Variants in DNAJC2 observed in about 807,000 individuals in gnomAD.
The protein encoded by DNAJC2 is dnaJ homolog subfamily C member 2.
DNAJC2 carries 32 observed loss-of-function variants against 94.0 expected under a neutral mutation model. That is an observed-to-expected ratio of 0.34 (90% CI 0.26 to 0.46). The LOEUF is 0.46. Ranked by LOEUF, DNAJC2 falls within the 20% of genes least tolerant of loss-of-function variation. DNAJC2 has a pLI of 1.00. For missense variants in DNAJC2, 550 were observed against 719.5 expected (o/e 0.76, Z 2.69); for synonymous variants, 210 against 229.7 (o/e 0.91, Z 0.77).
At position 103,312,508 on chromosome 7, in the gene DNAJC2, G is replaced by C. The variant is rs1471843339; in HGVS notation, c.*61C>G. On this transcript the variant is annotated 3_prime_UTR_variant, in exon 17 of 17. Coordinates refer to ENST00000379263, the MANE Select transcript of DNAJC2 (RefSeq NM_014377.3). ...ATTATTACCATGAGTATAATTTTAA[G>C]AATGAAAATGTTTACAGTATTTTCA... The C allele has an allele frequency of 6.3e-7, 1 of 1,580,418 alleles. No homozygotes were observed. Among genetic ancestry groups the C allele is most frequent in the African/African-American group, 1.4e-5 (1 of 73,136 alleles).
intron 12 of DNAJC2, among the ~76,000 whole-genome samples, 171 bp downstream of exon 12, chr7:103,319,438 A>G (rs548604003): frequency 1.3e-5 from 2 of 152,030 alleles, no homozygotes; most frequent in Non-Finnish European, 2.9e-5. Flanking sequence ...CTCTGTCTCA[A>G]AACAAAAAAC....
chr7:103,328,642 G>GAAT (rs2115960555), intron 3 of DNAJC2, among the ~76,000 whole-genome samples: 1 of 151,950 alleles, frequency 6.6e-6, no homozygotes, highest in African/African-American at 2.4e-5. Context: ...AAAAGAAGAA[G>GAAT]AAGAAAAAAA....
Position 103,341,839 on chromosome 7 carries a change from G to A in DNAJC2, c.180C>T (p.Ser60=), listed in dbSNP as rs371816384. 1.9e-6 allele frequency: 3 copies of A among 1,611,794 alleles called. No individual in the cohort carries two copies. Among genetic ancestry groups the A allele is most frequent in the African/African-American group, 2.7e-5 (2 of 74,752 alleles). The part of the protein sequence containing the change: ...FQELEDKKEL[S]EESEDEELQL... Reference sequence around the variant, plus strand: ...GCAATTCTTCATCTTCTGATTCCTCGGATAACTCTTTCTTATCCTCCAGTT... The same window carrying A: ...GCAATTCTTCATCTTCTGATTCCTCAGATAACTCTTTCTTATCCTCCAGTT... The change falls in exon 2 of 17, where the codon TCC becomes TCT. Residue 60 remains serine (S), a synonymous_variant. Coordinates refer to ENST00000379263, the MANE Select transcript of DNAJC2 (RefSeq NM_014377.3).
chr7:103,316,047 G>C lies in DNAJC2; in HGVS notation c.1469C>G (p.Ser490Cys). 1.9e-6 allele frequency: 3 copies of C among 1,601,250 alleles called. No homozygotes were observed. The highest frequency in any genetic ancestry group is 2.6e-6 in the Non-Finnish European group (3 of 1,174,324). ...ATCTTTGGCAGTTCTTTTGACTCCA[G>C]AGGAAGAATGTATGTTCATGTAATT... is the stretch of plus-strand genomic sequence containing the variant. Reference protein sequence around the residue: ...IANYMNIHSSSGVKRTAKDVI... With the variant: ...IANYMNIHSSCGVKRTAKDVI... The change falls in exon 14 of 17, where the codon TCT (serine) becomes TGT (cysteine). Residue 490 changes from serine (S) to cysteine (C), a missense_variant. By Grantham distance (112) the Ser-to-Cys change is moderately radical. Coordinates refer to ENST00000379263, the MANE Select transcript of DNAJC2 (RefSeq NM_014377.3).
At chr7:103,336,542 C>A (rs1028524770) in intron 3 of DNAJC2, 1 of 152,196 alleles carries the variant, frequency 6.6e-6, no homozygotes, top group African/African-American at 2.4e-5. Flanking sequence ...GACGGTGTTT[C>A]TCCACGTTGG....
Position 103,312,572 on chromosome 7 carries a change from T to C in DNAJC2, c.1863A>G (p.Lys621=), listed in dbSNP as rs1327723064. The change falls in exon 17 of 17, where the codon AAA becomes AAG. Residue 621 remains lysine (K), a synonymous_variant. Transcript: ENST00000379263. ...AATGCACACACAACAAAGATTGTCA[T>C]TTCTTGGCTCTACTTGCATTCAGCA... The part of the protein sequence containing the change: ...EQVLNASRAK[K] 6.2e-7 allele frequency: 1 copy of C among 1,611,680 alleles called. No individual in the cohort carries two copies. Among genetic ancestry groups the C allele is most frequent in the Non-Finnish European group, 8.5e-7 (1 of 1,179,350 alleles).
At chr7:103,324,747 C>T (rs543303463) in intron 5 of DNAJC2, 185 bp from the exon 6 acceptor site, 33 of 446,488 alleles carry the variant, frequency 7.4e-5, no homozygotes, top group African/African-American at 4.1e-4. Flanking sequence ...TGCAGGTGTG[C>T]GAAAAGTGAG....
chr7:103,343,922 G>A (rs1819490881), intron 1 of DNAJC2, among the ~76,000 whole-genome samples: 1 of 152,118 alleles, frequency 6.6e-6, no homozygotes, highest in African/African-American at 2.4e-5. Context: ...CTGGCTATGG[G>A]AATTACTGTA....
chr7:103,324,354 A>C, intron 6 of DNAJC2, 128 bp downstream of exon 6: 1 of 725,684 alleles, frequency 1.4e-6, no homozygotes, highest in Non-Finnish European at 2.0e-6. Context: ...CATAGGTAAC[A>C]GAGTGCTTTT....
intron 15 of DNAJC2, chr7:103,313,377 T>TA: frequency 9.0e-7 from 1 of 1,112,826 alleles, no homozygotes. Context: ...ATCAATGTAA[T>TA]ACACTCACCA....
intron 3 of DNAJC2, among the ~76,000 whole-genome samples, chr7:103,331,217 C>T (rs1818956419): frequency 1.3e-5 from 2 of 152,326 alleles, no homozygotes; most frequent in East Asian, 3.9e-4. Flanking sequence ...CTCGGCCTCC[C>T]AAAGCGCTGG....
At chr7:103,324,449 T>G (rs761776761) in intron 6 of DNAJC2, 33 bp downstream of exon 6, 2 of 1,434,368 alleles carry the variant, frequency 1.4e-6, no homozygotes, top group Non-Finnish European at 1.9e-6. Context: ...TTTTAAAAAA[T>G]GACAGCATCA....
intron 5 of DNAJC2, chr7:103,324,848 A>G: frequency 5.3e-6 from 1 of 189,206 alleles, no homozygotes; most frequent in Non-Finnish European, 1.1e-5. Flanking sequence ...ATGCCATAGC[A>G]GCTGCTAGGC....
At chr7:103,313,307 T>C in intron 15 of DNAJC2, 1 of 1,317,990 alleles carries the variant, frequency 7.6e-7, no homozygotes, top group East Asian at 3.0e-5. Context: ...GAAAATAAAA[T>C]CTCAAAGGCT....
chr7:103,313,242 C>A, intron 15 of DNAJC2, 141 bp from the exon 16 acceptor site: 1 of 1,411,808 alleles, frequency 7.1e-7, no homozygotes, highest in East Asian at 2.5e-5. Context: ...ATGAGAGATA[C>A]ATATAGCCCT....
intron 5 of DNAJC2, 139 bp from the exon 6 acceptor site, chr7:103,324,701 A>T (rs1207783265): frequency 1.1e-6 from 1 of 880,384 alleles, no homozygotes; most frequent in Non-Finnish European, 1.6e-6. Flanking sequence ...CAACTCGAAG[A>T]TGGAGCTGGA....
intron 4 of DNAJC2, among the ~76,000 whole-genome samples, chr7:103,327,019 T>C (rs1261580300): frequency 6.6e-6 from 1 of 152,230 alleles, no homozygotes; most frequent in Non-Finnish European, 1.5e-5. Context: ...GATCTTAGGC[T>C]TCTGGAGCAC....
intron 7 of DNAJC2, 72 bp downstream of exon 7, chr7:103,323,526 C>CA (rs1390034754): frequency 7.5e-7 from 1 of 1,338,470 alleles, no homozygotes; most frequent in Non-Finnish European, 9.8e-7. Flanking sequence ...ATTTACGTGA[C>CA]AATTTTTACA....
intron 2 of DNAJC2, among the ~76,000 whole-genome samples, chr7:103,339,104 T>A (rs1214037259): frequency 6.6e-6 from 1 of 152,170 alleles, no homozygotes. Flanking sequence ...ACCCCTTTTT[T>A]CTCTTAGCAC....
Sources: allele counts gnomAD v4.1 joint callset (sites outside exome capture counted in the v4.1 genomes callset), GRCh38; gene constraint gnomAD v4.1.1; transcripts MANE v1.5; gene names NCBI Gene and HGNC (gene_info 2026-07-23, HGNC 2026-07-21).